SORT1: variants seen among roughly 807,000 people sequenced by gnomAD.
SORT1 encodes sortilin.
A neutral mutation model predicts 101.7 loss-of-function variants in SORT1; 39 were observed. The observed-to-expected ratio is 0.38, with a 90% CI of 0.30 to 0.50. SORT1 has a LOEUF of 0.50. Ranked by LOEUF, SORT1 falls within the 20% of genes least tolerant of loss-of-function variation. The pLI, the probability that SORT1 is intolerant of heterozygous loss-of-function variation, is 0.90. For synonymous variants in SORT1, 396 were observed against 393.7 expected, an observed-to-expected ratio of 1.01 and a Z score of -0.07; for missense variants, 878 against 1,040.4, an observed-to-expected ratio of 0.84 and a Z score of 2.15.
intron 6 of SORT1, 95 bp from the exon 7 acceptor site, chr1:109,347,627 C>A: frequency 1.2e-6 from 1 of 842,126 alleles, no homozygotes; most frequent in Non-Finnish European, 2.0e-6. Context: ...GTCTAACAAG[C>A]TTCATTCACA....
intron 3 of SORT1, among the ~76,000 whole-genome samples, chr1:109,364,613 G>A (rs1312757898): frequency 1.3e-5 from 2 of 152,208 alleles, no homozygotes; most frequent in African/African-American, 4.8e-5. Flanking sequence ...CCATCAGCAT[G>A]GATGTAGGTC....
intron 1 of SORT1, chr1:109,393,363 G>A: frequency 4.1e-6 from 4 of 967,054 alleles, no homozygotes; most frequent in Non-Finnish European, 4.9e-6. Context: ...AGTTTAAAAA[G>A]TTTTAAGGAA....
At chr1:109,330,114 C>T (rs934029754) in intron 11 of SORT1, among the ~76,000 whole-genome samples, 4 of 152,140 alleles carry the variant, frequency 2.6e-5, no homozygotes, top group African/African-American at 7.2e-5. Context: ...CAATTCTCTG[C>T]CTCAGCCTCC....
chr1:109,382,195 G>A (rs1308370101), intron 1 of SORT1, among the ~76,000 whole-genome samples: 3 of 152,124 alleles, frequency 2.0e-5, no homozygotes, highest in Non-Finnish European at 4.4e-5. Context: ...GAGTGCAATG[G>A]CATGATCTCA....
chr1:109,355,973 G>C (rs1650291045), intron 3 of SORT1, among the ~76,000 whole-genome samples: 1 of 152,048 alleles, frequency 6.6e-6, no homozygotes, highest in Non-Finnish European at 1.5e-5. Context: ...CCAGGCTCAA[G>C]TGATTCTCCA....
chr1:109,388,655 C>T (rs1252890202), intron 1 of SORT1, among the ~76,000 whole-genome samples: 1 of 152,172 alleles, frequency 6.6e-6, no homozygotes, highest in East Asian at 1.9e-4. Flanking sequence ...AAGCATCTAA[C>T]TGGTAATGTG....
intron 1 of SORT1, among the ~76,000 whole-genome samples, chr1:109,382,078 A>G (rs1652283519): frequency 6.6e-6 from 1 of 152,086 alleles, no homozygotes; most frequent in Non-Finnish European, 1.5e-5. Context: ...AAAAGGAAGG[A>G]AAGAAAAAGT....
At chr1:109,359,120 G>A (rs1043816623) in intron 3 of SORT1, among the ~76,000 whole-genome samples, 2 of 152,160 alleles carry the variant, frequency 1.3e-5, no homozygotes, top group African/African-American at 4.8e-5. Flanking sequence ...TCTGGAGGCT[G>A]AGAAGTCCAA....
chr1:109,363,289 T>C (rs970431629), intron 3 of SORT1, among the ~76,000 whole-genome samples: 1 of 152,180 alleles, frequency 6.6e-6, no homozygotes, highest in African/African-American at 2.4e-5. Context: ...CAAATTATCA[T>C]CTTAATTGTA....
chr1:109,327,453 C>T, intron 12 of SORT1, 46 bp downstream of exon 12: 1 of 1,227,908 alleles, frequency 8.1e-7, no homozygotes, highest in Non-Finnish European at 1.2e-6. Flanking sequence ...TTTCAGTGTG[C>T]TCAGCCACTG....
Position 109,327,123 on chromosome 1 carries a change from A to G in SORT1, c.1512T>C (p.Asp504=). ...VGDAISVMVP[D]VYISDDGGYS... is the part of the protein sequence containing the mutation. ...AACCCCCATCATCTGAGATGTACAC[A>G]TCTGGAACCATCACTGAGATGGCAT... Residue 504 remains aspartate, a synonymous_variant, in exon 13 of 20, where the codon GAT becomes GAC. Transcript: ENST00000256637. 6.2e-7 allele frequency: 1 copy of G among 1,613,750 alleles called. No individual in the cohort carries two copies. The highest frequency in any genetic ancestry group is 1.3e-5 in the African/African-American group (1 of 75,022).
chr1:109,346,242 T>C (rs951862383), intron 7 of SORT1, among the ~76,000 whole-genome samples: 2 of 146,854 alleles, frequency 1.4e-5, no homozygotes, highest in Admixed American at 1.4e-4. Flanking sequence ...GAACCCGGGA[T>C]GCAGAGTTTT....
At chr1:109,365,473 C>T (rs931637330) in intron 3 of SORT1, among the ~76,000 whole-genome samples, 2 of 152,164 alleles carry the variant, frequency 1.3e-5, no homozygotes, top group East Asian at 3.9e-4. Context: ...TTTTAAAATG[C>T]ATTTTTCTCT....
intron 18 of SORT1, 39 bp from the exon 19 acceptor site, chr1:109,314,423 G>A (rs943393948): frequency 6.2e-7 from 1 of 1,607,976 alleles, no homozygotes; most frequent in Admixed American, 1.7e-5. Context: ...GTGGTACACA[G>A]CAGGGGTGCA....
rs754745253 is a variant in SORT1 at position 109,327,089 on chromosome 1, T to C, written c.1546A>G (p.Thr516Ala). The stretch of plus-strand genomic sequence containing the variant: ...TAGTGGGGTCCTTCCAGCATCTTTG[T>C]CCAGGAGTAACCCCCATCATCTGAG... ...YISDDGGYSW[T>A]KMLEGPHYYT... The change falls in exon 13 of 20, where the codon ACA (threonine) becomes GCA (alanine). Residue 516 changes from threonine (T) to alanine (A), a missense_variant. Thr to Ala is a moderately conservative substitution (Grantham distance 58, BLOSUM62 0). Around this residue, in one of 2 missense-constraint regions of SORT1, gnomAD observed 684 missense variants for 894.5 expected, o/e 0.76. Coordinates refer to ENST00000256637, the MANE Select transcript of SORT1 (RefSeq NM_002959.7). The C allele has an allele frequency of 3.1e-6, 5 of 1,613,066 alleles. No individual in the cohort carries two copies. Among genetic ancestry groups the C allele is most frequent in the African/African-American group, 2.7e-5 (2 of 74,830 alleles).
At chr1:109,335,727 G>A (rs1263265851) in intron 11 of SORT1, among the ~76,000 whole-genome samples, 1 of 151,964 alleles carries the variant, frequency 6.6e-6, no homozygotes, top group Non-Finnish European at 1.5e-5. Flanking sequence ...TGACACCTGC[G>A]TAGTTCCGGT....
At chr1:109,326,456 TATATATATACATACAC>T (rs1201726027) in intron 13 of SORT1, among the ~76,000 whole-genome samples, 16 of 30,310 alleles carry the variant, frequency 5.3e-4, no homozygotes, top group South Asian at 3.0e-3. Flanking sequence ...TATATATATA[TATATATATACATACAC>T]ACACACACAC....
At chr1:109,347,431 C>A in intron 7 of SORT1, 52 bp downstream of exon 7, 1 of 1,301,606 alleles carries the variant, frequency 7.7e-7, no homozygotes, top group South Asian at 1.2e-5. Flanking sequence ...CCAGAAAATT[C>A]TACCATGAAT....
intron 1 of SORT1, among the ~76,000 whole-genome samples, chr1:109,380,513 A>T (rs1429547554): frequency 3.9e-5 from 6 of 152,150 alleles, no homozygotes; most frequent in Non-Finnish European, 7.3e-5. Flanking sequence ...ATTAATATAA[A>T]ATTATTTGTA....
Sources: gnomAD v4.1 joint callset for allele counts (sites outside exome capture counted in the v4.1 genomes callset) on GRCh38, gnomAD v4.1.1 for gene constraint, gnomAD v4.1.1 regional missense constraint, MANE v1.5 for transcripts, NCBI Gene and HGNC (gene_info 2026-07-23, HGNC 2026-07-21) for gene names.